Variants in SNTG2 observed in about 807,000 individuals in gnomAD.
SNTG2 encodes syntrophin gamma 2, also known as gamma-2-syntrophin.
SNTG2 carries 74 observed loss-of-function variants against 70.9 expected under a neutral mutation model. The ratio of observed to expected loss-of-function variants is 1.04; its 90% CI spans 0.86 to 1.27. The LOEUF (loss-of-function observed/expected upper bound fraction) is 1.27. Among genes scored for constraint, SNTG2 ranks in the 50% most tolerant of loss-of-function variants. SNTG2 has a pLI of 0.00. For missense variants in SNTG2, 717 were observed against 690.7 expected (o/e 1.04, Z -0.43); for synonymous variants, 278 against 273.8 (o/e 1.02, Z -0.15).
At chr2:1,281,872 G>A (rs959898014) in intron 14 of SNTG2, among the ~76,000 whole-genome samples, 3 of 152,052 alleles carry the variant, frequency 2.0e-5, no homozygotes, top group Non-Finnish European at 4.4e-5. Context: ...GGAGGGAGGC[G>A]GGCAGCATCA....
intron 16 of SNTG2, among the ~76,000 whole-genome samples, chr2:1,321,291 A>G (rs1168479134): frequency 6.6e-6 from 1 of 152,218 alleles, no homozygotes; most frequent in Non-Finnish European, 1.5e-5. Flanking sequence ...CCTTGAAAGC[A>G]GGGCACATTT....
chr2:1,132,341 A>G (rs914461718), intron 4 of SNTG2, among the ~76,000 whole-genome samples: 1 of 152,086 alleles, frequency 6.6e-6, no homozygotes, highest in Admixed American at 6.5e-5. Flanking sequence ...ACACAAATAC[A>G]TTCAGAGCCA....
chr2:1,016,718 C>T lies in SNTG2; in HGVS notation c.72+65650C>T, dbSNP rs188606183. The stretch of plus-strand genomic sequence containing the variant: ...TGGGAGATGGAGCTATGCGTATTCA[C>T]GGACTGGCTCTGAGACATTTGACTG... On this transcript the variant is annotated intron_variant, in intron 1 of 16. Transcript: ENST00000308624. Among the ~76,000 whole-genome samples the T allele has an allele frequency of 7.2e-5, 11 of 152,336 alleles. No homozygotes were observed. The East Asian group carries it at 1.9e-3, about 27-fold the overall frequency.
At chr2:1,217,184 T>C (rs1366960160) in intron 9 of SNTG2, among the ~76,000 whole-genome samples, 1 of 152,184 alleles carries the variant, frequency 6.6e-6, no homozygotes, top group Admixed American at 6.5e-5. Flanking sequence ...ATTTTAAATA[T>C]GTATTTATAT....
chr2:1,070,449 A>G (rs770004661), intron 1 of SNTG2, among the ~76,000 whole-genome samples: 2 of 152,172 alleles, frequency 1.3e-5, no homozygotes, highest in Non-Finnish European at 2.9e-5. Context: ...TAAATGGAAT[A>G]ATGCTCATGA....
chr2:1,000,103 C>G (rs1314938147), intron 1 of SNTG2, among the ~76,000 whole-genome samples: 1 of 151,710 alleles, frequency 6.6e-6, no homozygotes, highest in Non-Finnish European at 1.5e-5. Context: ...GGAGCTACAA[C>G]ATACCAAAAT....
intron 7 of SNTG2, among the ~76,000 whole-genome samples, chr2:1,172,240 C>T (rs1405202257): frequency 6.6e-6 from 1 of 152,192 alleles, no homozygotes; most frequent in Non-Finnish European, 1.5e-5. Flanking sequence ...AGGGCCTGCT[C>T]TCCACTCAGG....
intron 4 of SNTG2, among the ~76,000 whole-genome samples, chr2:1,131,807 C>T (rs6725075): frequency 0.12 from 18,258 of 151,906 alleles, 1,152 homozygotes; most frequent in Admixed American, 0.15. Flanking sequence ...GACGCCACCA[C>T]GCCCAGCTAA....
intron 12 of SNTG2, among the ~76,000 whole-genome samples, chr2:1,251,671 C>G (rs1677778186): frequency 6.7e-6 from 1 of 149,332 alleles, no homozygotes; most frequent in African/African-American, 2.5e-5. Context: ...ATGCACACAC[C>G]ACACACACAT....
chr2:1,128,832 TCA>T (rs1558433903), intron 4 of SNTG2, among the ~76,000 whole-genome samples: 1 of 152,114 alleles, frequency 6.6e-6, no homozygotes, highest in Non-Finnish European at 1.5e-5. Flanking sequence ...CAGGGAATGC[TCA>T]GTTTGTCTTT....
chr2:1,180,017 T>A (rs1671756720), intron 8 of SNTG2, among the ~76,000 whole-genome samples: 1 of 131,146 alleles, frequency 7.6e-6, no homozygotes, highest in Non-Finnish European at 1.6e-5. Flanking sequence ...TAGCCATATG[T>A]AGAAAGCTGA....
intron 1 of SNTG2, among the ~76,000 whole-genome samples, chr2:1,041,271 G>T (rs1661420088): frequency 6.6e-6 from 1 of 152,100 alleles, no homozygotes; most frequent in African/African-American, 2.4e-5. Context: ...TGCTTTTTCT[G>T]CCTGCAAGGA....
rs551254570 is a variant in SNTG2, at chr2:1,347,890, T to C, written c.1489-19453T>C. ...ATCTTCATGTTCCTGGAATTTGTGA[T>C]ACAAAGAACAAAGCATAGCCAATCA... is the stretch of plus-strand genomic sequence containing the variant. On this transcript the variant is annotated intron_variant, in intron 16 of 16. Transcript: ENST00000308624. Among the ~76,000 whole-genome samples, 185 of 152,310 alleles carry C rather than the reference T, an allele frequency of 1.2e-3. 1 individual carries two copies. The highest frequency in any genetic ancestry group is 3.1e-3 in the Admixed American group (47 of 15,304).
At chr2:1,094,531 GGCGAAGGC>G (rs1665254654) in intron 2 of SNTG2, among the ~76,000 whole-genome samples, 1 of 61,090 alleles carries the variant, frequency 1.6e-5, no homozygotes, top group African/African-American at 7.9e-5. Flanking sequence ...CTGGACTGCA[GGCGAAGGC>G]CTTATAGGTG....
chr2:1,194,259 C>T (rs1022222775), intron 8 of SNTG2, among the ~76,000 whole-genome samples: 4 of 152,156 alleles, frequency 2.6e-5, no homozygotes, highest in Admixed American at 1.3e-4. Flanking sequence ...GGGAGAAGCG[C>T]TGGGGATGCA....
In SNTG2 at chr2:1,198,921, G is replaced by C. The variant is rs555461346; in HGVS notation, c.592-10182G>C. On this transcript the variant is annotated intron_variant, in intron 8 of 16. Coordinates refer to ENST00000308624, the MANE Select transcript of SNTG2 (RefSeq NM_018968.4). Reference sequence around the variant, plus strand: ...CTCCCAACAAAGAAAGCCCAGGACTGGATGGTTTTAATTCTGAATTCTTTC... The same window carrying C: ...CTCCCAACAAAGAAAGCCCAGGACTCGATGGTTTTAATTCTGAATTCTTTC... Among the ~76,000 whole-genome samples, 116 of 152,044 alleles carry C rather than the reference G, an allele frequency of 7.6e-4. 1 individual carries two copies. The highest frequency in any genetic ancestry group is 2.1e-4 in the South Asian group (1 of 4,806).
chr2:997,247 C>T lies in SNTG2; in HGVS notation c.72+46179C>T, dbSNP rs1367908315. On this transcript the variant is annotated intron_variant, in intron 1 of 16. Coordinates refer to ENST00000308624, the MANE Select transcript of SNTG2 (RefSeq NM_018968.4). The stretch of plus-strand genomic sequence containing the variant: ...CAAGCTCTAGGTTAAGCTGGGTGCC[C>T]TCTCTAAGCACGTGGCTTATGAACA... Among the ~76,000 whole-genome samples the T allele has an allele frequency of 2.6e-5, 4 of 152,280 alleles. No individual in the cohort carries two copies. In the East Asian group the frequency reaches 7.7e-4, roughly 29 times the overall value.
chr2:1,252,216 A>G (rs1181750751), intron 12 of SNTG2, among the ~76,000 whole-genome samples: 1 of 152,260 alleles, frequency 6.6e-6, no homozygotes, highest in African/African-American at 2.4e-5. Context: ...GTGGTAATCA[A>G]TAATACCAGT....
Position 1,071,744 on chromosome 2 carries a change from TAGTC to T in SNTG2, c.73-11771_73-11768del, listed in dbSNP as rs200471633. Among the ~76,000 whole-genome samples the T allele has an allele frequency of 6.2e-4, 94 of 151,692 alleles. No homozygotes were observed. In the East Asian group the frequency reaches 0.017, roughly 27 times the overall value. On this transcript the variant is annotated intron_variant, in intron 1 of 16. Transcript: ENST00000308624. ...AGCTAGGCCTCTTGCAACAAACAAG[TAGTC>T]AGGTGGTAAAACAAAGGACAATTCT...
Sources: allele counts gnomAD v4.1 joint callset (sites outside exome capture counted in the v4.1 genomes callset), GRCh38; gene constraint gnomAD v4.1.1; transcripts MANE v1.5; gene names NCBI Gene and HGNC (gene_info 2026-07-23, HGNC 2026-07-21).